Variants in NRXN1 observed in about 807,000 individuals in gnomAD.
The protein encoded by NRXN1 is neurexin-1.
NRXN1 carries 39 observed loss-of-function variants against 150.9 expected under a neutral mutation model. The observed-to-expected ratio is 0.26, with a 90% CI of 0.20 to 0.34. NRXN1 has a LOEUF of 0.34. Among genes scored for constraint, NRXN1 ranks in the 10% least tolerant of loss-of-function variants. NRXN1 has a pLI of 1.00. For synonymous variants in NRXN1, 924 were observed against 757.0 expected (o/e 1.22, Z -3.62); for missense variants, 1,815 against 1,949.9 (o/e 0.93, Z 1.30).
intron 5 of NRXN1, among the ~76,000 whole-genome samples, chr2:50,625,162 T>C (rs1177378367): frequency 2.0e-5 from 3 of 152,088 alleles, no homozygotes; most frequent in South Asian, 2.1e-4. Context: ...CTCAGGACTA[T>C]TTTCATTTGA....
At chr2:50,712,550 C>T (rs1211888495) in intron 5 of NRXN1, among the ~76,000 whole-genome samples, 1 of 152,146 alleles carries the variant, frequency 6.6e-6, no homozygotes, top group South Asian at 2.1e-4. Flanking sequence ...ACTTTTCAGG[C>T]TTTTTAGATA....
At chr2:50,535,264 C>T (rs1024061809) in intron 10 of NRXN1, among the ~76,000 whole-genome samples, 2 of 152,222 alleles carry the variant, frequency 1.3e-5, no homozygotes, top group African/African-American at 2.4e-5. Context: ...CTTTAAAAGG[C>T]TAATTCCAAT....
intron 8 of NRXN1, among the ~76,000 whole-genome samples, chr2:50,569,115 T>G (rs538197542): frequency 6.6e-6 from 1 of 151,898 alleles, no homozygotes; most frequent in South Asian, 2.1e-4. Context: ...TCATAGAGAC[T>G]AAAAGGATGG....
intron 19 of NRXN1, among the ~76,000 whole-genome samples, chr2:50,088,856 G>T (rs979744332): frequency 2.0e-5 from 3 of 151,810 alleles, no homozygotes; most frequent in Non-Finnish European, 2.9e-5. Flanking sequence ...TATCTTTTTT[G>T]AACTATATTC....
At chr2:50,126,732 T>G (rs115961570) in intron 18 of NRXN1, among the ~76,000 whole-genome samples, 8,118 of 152,090 alleles carry the variant, frequency 0.053, 259 homozygotes, top group Middle Eastern at 0.082. Context: ...GCCATTAACA[T>G]TAATGGAAAC....
intron 5 of NRXN1, among the ~76,000 whole-genome samples, chr2:50,724,012 T>C (rs548364337): frequency 2.2e-4 from 34 of 152,324 alleles, no homozygotes; most frequent in African/African-American, 7.7e-4. Flanking sequence ...GGTAGATGAA[T>C]GGAGCATGCA....
intron 17 of NRXN1, among the ~76,000 whole-genome samples, chr2:50,418,262 C>A (rs2083701877): frequency 1.3e-5 from 2 of 151,988 alleles, no homozygotes; most frequent in African/African-American, 4.8e-5. Context: ...GAGTCCTGAA[C>A]AGGCTCAAAA....
intron 17 of NRXN1, among the ~76,000 whole-genome samples, chr2:50,269,338 A>C (rs1317074703): frequency 6.6e-6 from 1 of 152,194 alleles, no homozygotes; most frequent in Admixed American, 6.5e-5. Flanking sequence ...TGCCAAAATA[A>C]TTGTATTTTG....
At chr2:50,561,151 G>C (rs980692043) in intron 8 of NRXN1, among the ~76,000 whole-genome samples, 3 of 152,164 alleles carry the variant, frequency 2.0e-5, no homozygotes, top group Non-Finnish European at 4.4e-5. Flanking sequence ...TCAGTGAACT[G>C]CTTAAAGTTA....
intron 5 of NRXN1, among the ~76,000 whole-genome samples, chr2:50,910,501 T>C (rs1438138432): frequency 7.9e-5 from 12 of 151,938 alleles, no homozygotes; most frequent in Admixed American, 7.9e-4. Context: ...AATGTGGGTC[T>C]ACTTAACTCC....
In NRXN1 at chr2:50,194,847, T is replaced by C. The variant is rs576557297; in HGVS notation, c.3546+41942A>G. Reference sequence around the variant, plus strand: ...GAGATTTCTTTGAGTGATCTGTCATTTTTCTCTCCTCTTTGTTCAAATTAA... The same window carrying C: ...GAGATTTCTTTGAGTGATCTGTCATCTTTCTCTCCTCTTTGTTCAAATTAA... On this transcript the variant is annotated intron_variant, in intron 18 of 22. Coordinates refer to ENST00000401669, the MANE Select transcript of NRXN1 (RefSeq NM_001330078.2). 2.6e-5 allele frequency among the ~76,000 whole-genome samples: 4 copies of C among 152,272 alleles called. No homozygotes were observed. In the East Asian group the frequency reaches 7.7e-4, roughly 29 times the overall value.
At chr2:49,985,692 C>A (rs1051926848) in intron 21 of NRXN1, among the ~76,000 whole-genome samples, 1 of 152,204 alleles carries the variant, frequency 6.6e-6, no homozygotes, top group Admixed American at 6.5e-5. Context: ...GACACATCAC[C>A]AGTCACCTTC....
intron 18 of NRXN1, among the ~76,000 whole-genome samples, chr2:50,205,553 T>C (rs1043892944): frequency 6.6e-6 from 1 of 152,044 alleles, no homozygotes; most frequent in Non-Finnish European, 1.5e-5. Flanking sequence ...ACGGAATATA[T>C]GTTATAAAAT....
intron 5 of NRXN1, among the ~76,000 whole-genome samples, chr2:50,725,423 G>C (rs578102165): frequency 2.0e-5 from 3 of 151,678 alleles, no homozygotes; most frequent in South Asian, 4.1e-4. Flanking sequence ...GTAAAGTGAT[G>C]GGTAGCTCTT....
chr2:50,544,093 T>A (rs1050739587), intron 9 of NRXN1, among the ~76,000 whole-genome samples: 1 of 152,264 alleles, frequency 6.6e-6, no homozygotes, highest in Non-Finnish European at 1.5e-5. Context: ...ATTGTTTAAA[T>A]TAATGTCAAT....
intron 5 of NRXN1, chr2:50,918,703 G>C (rs1685570792): frequency 3.0e-6 from 1 of 336,914 alleles, no homozygotes; most frequent in African/African-American, 2.1e-5. Context: ...CACATACATA[G>C]GAAAAGAAAC....
chr2:49,954,825 C>T (rs1334872313), intron 21 of NRXN1, among the ~76,000 whole-genome samples: 2 of 152,122 alleles, frequency 1.3e-5, no homozygotes, highest in Non-Finnish European at 2.9e-5. Context: ...ATGAAGACTG[C>T]TTAGTGATAT....
intron 5 of NRXN1, among the ~76,000 whole-genome samples, chr2:50,774,633 G>A (rs1340216664): frequency 1.3e-5 from 2 of 152,056 alleles, no homozygotes; most frequent in Non-Finnish European, 2.9e-5. Flanking sequence ...ACTAGACTAT[G>A]CATTTAATAT....
At chr2:50,219,676 C>T (rs2063659448) in intron 18 of NRXN1, among the ~76,000 whole-genome samples, 1 of 150,770 alleles carries the variant, frequency 6.6e-6, no homozygotes, top group Non-Finnish European at 1.5e-5. Context: ...CGCTTGAGCC[C>T]AGGAGTTAGA....
Sources: allele counts gnomAD v4.1 joint callset (sites outside exome capture counted in the v4.1 genomes callset), GRCh38; gene constraint gnomAD v4.1.1; transcripts MANE v1.5; gene names NCBI Gene and HGNC (gene_info 2026-07-23, HGNC 2026-07-21).